DYNC2I1: variants seen among roughly 807,000 people sequenced by gnomAD.
DYNC2I1 encodes the protein dynein 2 intermediate chain 1, also known as cytoplasmic dynein 2 intermediate chain 1.
A neutral mutation model predicts 133.4 loss-of-function variants in DYNC2I1; 89 were observed. The observed-to-expected ratio is 0.67, with a 90% CI of 0.56 to 0.80. The LOEUF is 0.80. Ranked by LOEUF, DYNC2I1 falls within the 30% of genes least tolerant of loss-of-function variation. DYNC2I1 has a pLI of 0.00. For synonymous variants in DYNC2I1, 504 were observed against 484.3 expected (o/e 1.04, Z -0.54); for missense variants, 1,291 against 1,314.5 (o/e 0.98, Z 0.28).
chr7:158,955,708 GC>G (rs1852182209), intron 4 of DYNC2I1, among the ~76,000 whole-genome samples: 1 of 152,182 alleles, frequency 6.6e-6, no homozygotes, highest in African/African-American at 2.4e-5. Context: ...ATGGGACAGG[GC>G]CCGTGAGTTC....
intron 5 of DYNC2I1, among the ~76,000 whole-genome samples, chr7:158,883,601 AGT>A (rs1316950873): frequency 2.7e-5 from 4 of 148,948 alleles, no homozygotes; most frequent in African/African-American, 9.9e-5. Flanking sequence ...TTTGAGATAG[AGT>A]ATGAGTAAGT....
At chr7:158,941,489 T>C (rs1156538361) in intron 23 of DYNC2I1, among the ~76,000 whole-genome samples, 1 of 152,218 alleles carries the variant, frequency 6.6e-6, no homozygotes, top group Non-Finnish European at 1.5e-5. Context: ...GTTACAATTT[T>C]ATGTTAGGAA....
intron 21 of DYNC2I1, among the ~76,000 whole-genome samples, chr7:158,931,829 C>T (rs1481925115): frequency 1.3e-5 from 2 of 152,194 alleles, no homozygotes; most frequent in Non-Finnish European, 2.9e-5. Context: ...CAAGGTGCTC[C>T]GAGAAGGAGG....
At chr7:158,908,861 A>C (rs902977114) in intron 11 of DYNC2I1, among the ~76,000 whole-genome samples, 1 of 152,178 alleles carries the variant, frequency 6.6e-6, no homozygotes, top group African/African-American at 2.4e-5. Flanking sequence ...TTTCTCTTAC[A>C]TTATTCCCCA....
intron 14 of DYNC2I1, among the ~76,000 whole-genome samples, chr7:158,916,144 G>A (rs62476503): frequency 1.2e-5 from 1 of 83,204 alleles, no homozygotes; most frequent in African/African-American, 3.8e-5. Context: ...ACGTCGACAT[G>A]GTGGTTGACA....
rs777711394 is a variant in DYNC2I1 at position 158,922,543 on chromosome 7, G to T, written c.2088G>T (p.Glu696Asp). 6.2e-7 allele frequency: 1 copy of T among 1,613,574 alleles called. No homozygotes were observed. Among genetic ancestry groups the T allele is most frequent in the Admixed American group, 1.7e-5 (1 of 59,972 alleles). Reference protein sequence around the residue: ...PSGPQKVLICESQVTCCCLSP... With the variant: ...PSGPQKVLICDSQVTCCCLSP... ...GGCCACAGAAAGTTCTGATATGTGA[G>T]TCCCAGGTACAGCTCAGGATGAGAG... Residue 696 changes from glutamate to aspartate, a missense_variant, in exon 16 of 25, where the codon GAG becomes GAT. Glu to Asp is a conservative substitution (Grantham distance 45, BLOSUM62 2). Transcript: ENST00000407559.
At chr7:158,925,809 C>G (rs939849629) in intron 17 of DYNC2I1, among the ~76,000 whole-genome samples, 3 of 152,194 alleles carry the variant, frequency 2.0e-5, no homozygotes, top group Non-Finnish European at 2.9e-5. Context: ...CCTCCTCTGC[C>G]TCCCAGCTCC....
chr7:158,861,986 A>G (rs1007211968), intron 1 of DYNC2I1, among the ~76,000 whole-genome samples: 16 of 152,108 alleles, frequency 1.1e-4, no homozygotes, highest in African/African-American at 3.4e-4. Flanking sequence ...GGAATTTTGG[A>G]AAAAAAATGA....
At chr7:158,883,658 CTTTTTTTTTTT>C (rs762388455) in intron 5 of DYNC2I1, among the ~76,000 whole-genome samples, 3 of 86,160 alleles carry the variant, frequency 3.5e-5, no homozygotes, top group Admixed American at 1.5e-4. Flanking sequence ...CCAGTGACTT[CTTTTTTTTTTT>C]TTTTTTTTTT....
intron 1 of DYNC2I1, among the ~76,000 whole-genome samples, chr7:158,865,939 T>C (rs1462271730): frequency 1.3e-5 from 2 of 152,144 alleles, no homozygotes; most frequent in East Asian, 3.9e-4. Flanking sequence ...CAGTCCATAT[T>C]AGCTGAGTTT....
intron 11 of DYNC2I1, among the ~76,000 whole-genome samples, chr7:158,907,525 T>G (rs966199986): frequency 2.6e-5 from 4 of 152,052 alleles, no homozygotes; most frequent in African/African-American, 9.7e-5. Flanking sequence ...TGGGGGTCAT[T>G]GGTTGCCTTC....
chr7:158,876,787 T>G, intron 4 of DYNC2I1, 96 bp downstream of exon 4: 1 of 1,431,178 alleles, frequency 7.0e-7, no homozygotes, highest in South Asian at 1.6e-5. Context: ...GAAAATGTCC[T>G]AAGCCAGGAT....
Position 158,914,322 on chromosome 7 carries a change from G to A in DYNC2I1, c.1791+1G>A, listed in dbSNP as rs1847794570. On this transcript the variant is annotated splice_donor_variant, in intron 14 of 24. Coordinates refer to ENST00000407559, the MANE Select transcript of DYNC2I1 (RefSeq NM_018051.5). LOFTEE classifies it high-confidence loss of function. ...TAGCTTTCTGCGGGCTGCTTGTCAG[G>A]TATACTCAACCTATATATGTTGTGT... is the stretch of plus-strand genomic sequence containing the variant. The A allele has an allele frequency of 2.5e-6, 4 of 1,608,092 alleles. No individual in the cohort carries two copies. The highest frequency in any genetic ancestry group is 2.5e-6 in the Non-Finnish European group (3 of 1,176,800).
rs764530886 is a variant in DYNC2I1, at chr7:158,922,448, G to A, written c.1993G>A (p.Glu665Lys). The A allele has an allele frequency of 2.3e-5, 37 of 1,613,884 alleles. No homozygotes were observed. The highest frequency in any genetic ancestry group is 4.5e-5 in the East Asian group (2 of 44,902). The change falls in exon 16 of 25, where the codon GAG becomes AAG. Residue 665 changes from glutamate (E) to lysine (K), a missense_variant. Coordinates refer to ENST00000407559, the MANE Select transcript of DYNC2I1 (RefSeq NM_018051.5). ...GGTGGTCTCCGTTCACGACTTACCCGAGAAGAGCTTTGTGCCCCTGCTGGA... is the reference window on the plus strand; with the variant it reads ...GGTGGTCTCCGTTCACGACTTACCCAAGAAGAGCTTTGTGCCCCTGCTGGA... ...QMVVSVHDLP[E>K]KSFVPLLDSK...
intron 7 of DYNC2I1, among the ~76,000 whole-genome samples, chr7:158,889,416 C>T (rs906301338): frequency 4.6e-5 from 7 of 152,078 alleles, no homozygotes; most frequent in African/African-American, 1.7e-4. Flanking sequence ...GTGGAAATCC[C>T]TCCAGTTTGG....
chr7:158,923,078 G>T (rs780963056), intron 16 of DYNC2I1, among the ~76,000 whole-genome samples: 1 of 152,206 alleles, frequency 6.6e-6, no homozygotes, highest in African/African-American at 2.4e-5. Flanking sequence ...GGACTGTGCG[G>T]TGAGGGGTCA....
At chr7:158,888,973 T>C (rs1232581645) in intron 7 of DYNC2I1, among the ~76,000 whole-genome samples, 2 of 152,020 alleles carry the variant, frequency 1.3e-5, no homozygotes, top group Non-Finnish European at 2.9e-5. Flanking sequence ...TCTTCTCATA[T>C]AATCTTTTAT....
At chr7:158,855,708 C>T (rs1364950271), upstream of DYNC2I1, among the ~76,000 whole-genome samples, 1 of 152,180 alleles carries the variant, frequency 6.6e-6, no homozygotes, top group Non-Finnish European at 1.5e-5. Context: ...ACCTCTTTTA[C>T]TGCCTCAGTC....
At chr7:158,900,046 T>C (rs1335640372) in intron 8 of DYNC2I1, among the ~76,000 whole-genome samples, 1 of 152,142 alleles carries the variant, frequency 6.6e-6, no homozygotes, top group Admixed American at 6.5e-5. Context: ...AATATTTTTC[T>C]CTCAGTACTT....
Sources: gnomAD v4.1 joint callset for allele counts (sites outside exome capture counted in the v4.1 genomes callset) on GRCh38, gnomAD v4.1.1 for gene constraint, MANE v1.5 for transcripts, NCBI Gene and HGNC (gene_info 2026-07-23, HGNC 2026-07-21) for gene names.